PAH: variants seen among roughly 807,000 people sequenced by gnomAD.
PAH encodes phenylalanine-4-hydroxylase.
In PAH, 64 loss-of-function variants were observed where a neutral mutation model predicts 62.0. The ratio of observed to expected loss-of-function variants is 1.03; its 90% confidence interval spans 0.84 to 1.27. The LOEUF is 1.27. PAH is among the 50% of genes most tolerant of loss of function. PAH has a pLI of 0.00. For synonymous variants in PAH, 195 were observed against 196.2 expected (o/e 0.99, Z 0.05); for missense variants, 579 against 542.8 (o/e 1.07, Z -0.66).
chr12:102,912,589 A>C (rs1342216126), intron 2 of PAH, among the ~76,000 whole-genome samples: 1 of 152,170 alleles, frequency 6.6e-6, no homozygotes, highest in Non-Finnish European at 1.5e-5. Context: ...TATTATCAGC[A>C]CTATATTATG....
intron 5 of PAH, 98 bp downstream of exon 5, chr12:102,866,498 A>G: frequency 1.1e-6 from 1 of 916,946 alleles, no homozygotes; most frequent in Non-Finnish European, 1.8e-6. Context: ...AGGACTCTTC[A>G]TGCTGGTATT....
At chr12:102,876,743 C>T (rs1718299) in intron 4 of PAH, among the ~76,000 whole-genome samples, 56,974 of 152,024 alleles carry the variant, frequency 0.37, 11,355 homozygotes, top group Non-Finnish European at 0.44. Flanking sequence ...ACCCTCTGCC[C>T]CAGAGTAGAG....
intron 5 of PAH, among the ~76,000 whole-genome samples, chr12:102,856,042 A>AAAATTATATACAATTTTTATTTGTCAAG (rs1304895253): frequency 1.6e-5 from 2 of 128,728 alleles, no homozygotes. Flanking sequence ...TATATAATTA[A>AAAATTATATACAATTTTTATTTGTCAAG]AAATTATATA....
chr12:102,931,803 A>G (rs956212752), intron 1 of PAH, among the ~76,000 whole-genome samples: 2 of 151,854 alleles, frequency 1.3e-5, no homozygotes, highest in African/African-American at 4.8e-5. Context: ...TCTTTTTTCA[A>G]TTTTTGCATC....
intron 12 of PAH, 53 bp downstream of exon 12, chr12:102,840,347 C>G (rs776462426): frequency 5.8e-6 from 6 of 1,041,786 alleles, no homozygotes; most frequent in Non-Finnish European, 3.0e-6. Flanking sequence ...TAGGGAAAGA[C>G]AGTCTTCGAT....
At chr12:102,869,014 A>C (rs1165692691) in intron 4 of PAH, among the ~76,000 whole-genome samples, 2 of 152,238 alleles carry the variant, frequency 1.3e-5, no homozygotes, top group Non-Finnish European at 2.9e-5. Context: ...CTAAAGGCCC[A>C]AAACTACAGA....
At chr12:102,888,940 G>A (rs763311881) in intron 3 of PAH, among the ~76,000 whole-genome samples, 1 of 151,954 alleles carries the variant, frequency 6.6e-6, no homozygotes, top group African/African-American at 2.4e-5. Flanking sequence ...TGAAATGCAC[G>A]GGAGAAGGTT....
chr12:102,939,389 A>G (rs953355524), intron 1 of PAH, among the ~76,000 whole-genome samples: 2 of 152,176 alleles, frequency 1.3e-5, no homozygotes, highest in Non-Finnish European at 2.9e-5. Context: ...TTCACCAGGC[A>G]GGGCCCACTG....
chr12:102,875,695 G>T (rs1338926417), intron 4 of PAH, among the ~76,000 whole-genome samples: 1 of 152,128 alleles, frequency 6.6e-6, no homozygotes, highest in Non-Finnish European at 1.5e-5. Context: ...GGGAGAGAGA[G>T]TATTTAAGTA....
intron 8 of PAH, among the ~76,000 whole-genome samples, chr12:102,848,098 C>T (rs1282521296): frequency 6.6e-6 from 1 of 152,206 alleles, no homozygotes; most frequent in Non-Finnish European, 1.5e-5. Flanking sequence ...TGGTCATGAT[C>T]TCACTTGTGT....
chr12:102,857,412 C>T (rs974108878), intron 5 of PAH, among the ~76,000 whole-genome samples: 1 of 152,208 alleles, frequency 6.6e-6, no homozygotes, highest in Admixed American at 6.5e-5. Flanking sequence ...GGATACTATC[C>T]AGGAGAACTT....
chr12:102,949,173 G>C (rs1483078162), intron 1 of PAH, among the ~76,000 whole-genome samples: 1 of 152,148 alleles, frequency 6.6e-6, no homozygotes, highest in Non-Finnish European at 1.5e-5. Flanking sequence ...TCATCCGTTT[G>C]CATGTGCATC....
intron 1 of PAH, among the ~76,000 whole-genome samples, chr12:102,956,580 C>G (rs1270881156): frequency 6.6e-6 from 1 of 152,162 alleles, no homozygotes; most frequent in Non-Finnish European, 1.5e-5. Flanking sequence ...CGCCGAAGAA[C>G]CAGGAATCCC....
intron 1 of PAH, among the ~76,000 whole-genome samples, chr12:102,924,067 C>T (rs1299928609): frequency 6.6e-6 from 1 of 152,148 alleles, no homozygotes; most frequent in Non-Finnish European, 1.5e-5. Flanking sequence ...TTTTAACCAC[C>T]CTAACTTGGT....
At chr12:102,946,693 G>A (rs1879509913) in intron 1 of PAH, 1 of 152,322 alleles carries the variant, frequency 6.6e-6, no homozygotes, top group East Asian at 1.9e-4. Context: ...ACCTTCTTAG[G>A]TGTCCCTTTC....
intron 3 of PAH, among the ~76,000 whole-genome samples, chr12:102,885,074 CTTTTAAA>C (rs1478558354): frequency 2.0e-5 from 3 of 152,068 alleles, no homozygotes; most frequent in African/African-American, 7.2e-5. Flanking sequence ...TGAAGGGGTG[CTTTTAAA>C]TTTTAGATTC....
chr12:102,924,931 G>A (rs915641519), intron 1 of PAH, among the ~76,000 whole-genome samples: 2 of 152,162 alleles, frequency 1.3e-5, no homozygotes, highest in African/African-American at 4.8e-5. Flanking sequence ...TGAAAGTGTG[G>A]AAAGTCTGCC....
chr12:102,868,011 C>T (rs1030969364), intron 4 of PAH, among the ~76,000 whole-genome samples: 27 of 133,426 alleles, frequency 2.0e-4, no homozygotes, highest in African/African-American at 4.0e-4. Flanking sequence ...TATGTATATA[C>T]ATATATACAT....
At chr12:102,869,531 C>G (rs1406323964) in intron 4 of PAH, among the ~76,000 whole-genome samples, 1 of 152,188 alleles carries the variant, frequency 6.6e-6, no homozygotes, top group Non-Finnish European at 1.5e-5. Flanking sequence ...ATATCCATCT[C>G]AAATCATTTT....
Sources: gnomAD v4.1 joint callset for allele counts (sites outside exome capture counted in the v4.1 genomes callset) on GRCh38, gnomAD v4.1.1 for gene constraint, MANE v1.5 for transcripts, NCBI Gene and HGNC (gene_info 2026-07-23, HGNC 2026-07-21) for gene names.